CHST8: variants seen among roughly 807,000 people sequenced by gnomAD.
CHST8 encodes GALNAC-4-ST1.
A neutral mutation model predicts 15.0 loss-of-function variants in CHST8; 10 were observed. The observed-to-expected ratio is 0.67, with a 90% CI of 0.41 to 1.13. The LOEUF (loss-of-function observed/expected upper bound fraction) is 1.13, where lower values mean the gene tolerates loss of function less well. Ranked by LOEUF, CHST8 falls within the 50% of genes most tolerant of loss-of-function variation. The probability of loss-of-function intolerance (pLI) is 0.00; values close to 1 mark genes in which losing one functional copy is unlikely to be tolerated. For synonymous variants in CHST8, 259 were observed against 256.6 expected, an observed-to-expected ratio of 1.01 and a Z score of -0.09; for missense variants, 634 against 608.2, an observed-to-expected ratio of 1.04 and a Z score of -0.45.
intron 4 of CHST8, 119 bp downstream of exon 4, chr19:33,771,569 C>G (rs760543482): frequency 2.9e-6 from 3 of 1,029,840 alleles, no homozygotes; most frequent in Non-Finnish European, 4.5e-6. Flanking sequence ...ATGTGTCCAG[C>G]CTTTCCCAGG....
intron 2 of CHST8, among the ~76,000 whole-genome samples, chr19:33,671,673 C>T (rs1200129862): frequency 2.0e-5 from 3 of 151,932 alleles, no homozygotes; most frequent in East Asian, 3.9e-4. Flanking sequence ...ACTCCTCCCA[C>T]ATACTCACCT....
At chr19:33,698,254 A>G (rs184656772) in intron 3 of CHST8, among the ~76,000 whole-genome samples, 4 of 152,218 alleles carry the variant, frequency 2.6e-5, no homozygotes, top group Admixed American at 6.5e-5. Context: ...TTATCCAGTG[A>G]GCTGAGATCG....
At chr19:33,635,131 C>G (rs1004964439) in intron 1 of CHST8, among the ~76,000 whole-genome samples, 1 of 152,194 alleles carries the variant, frequency 6.6e-6, no homozygotes, top group Non-Finnish European at 1.5e-5. Context: ...CTGCACCATG[C>G]GGCCCCCTGA....
Position 33,773,150 on chromosome 19 carries a change from G to A in CHST8, c.*87G>A, listed in dbSNP as rs1334302999. ...CTCCTGTCCCTGGCTCCTCATCCTGGGAGCAACAGGGCTCTGAGGACGTGA... is the reference window on the plus strand; with the variant it reads ...CTCCTGTCCCTGGCTCCTCATCCTGAGAGCAACAGGGCTCTGAGGACGTGA... On this transcript the variant is annotated 3_prime_UTR_variant, in exon 5 of 5. Transcript: ENST00000650847. The A allele has an allele frequency of 2.4e-5, 34 of 1,397,258 alleles. No homozygotes were observed. The highest frequency in any genetic ancestry group is 2.2e-5 in the Non-Finnish European group (23 of 1,049,900). 86.6% of individuals were successfully genotyped at this position (1,397,258 alleles called of 1,614,324 possible).
At chr19:33,662,592 G>A (rs778683917) in intron 1 of CHST8, among the ~76,000 whole-genome samples, 3 of 152,150 alleles carry the variant, frequency 2.0e-5, no homozygotes, top group East Asian at 1.9e-4. Flanking sequence ...GAGTCCCAGC[G>A]TTACGCATTG....
intron 3 of CHST8, among the ~76,000 whole-genome samples, chr19:33,703,559 C>T (rs529500470): frequency 1.5e-4 from 23 of 152,348 alleles, no homozygotes; most frequent in South Asian, 1.4e-3. Context: ...CGGGCCCACA[C>T]ACCCTGGGGC....
intron 1 of CHST8, among the ~76,000 whole-genome samples, chr19:33,644,286 A>T (rs930179214): frequency 1.3e-5 from 2 of 152,194 alleles, no homozygotes. Context: ...CATGTACTCA[A>T]CAAATATTTA....
At chr19:33,643,543 C>T (rs1972311156) in intron 1 of CHST8, among the ~76,000 whole-genome samples, 1 of 152,174 alleles carries the variant, frequency 6.6e-6, no homozygotes, top group Non-Finnish European at 1.5e-5. Context: ...GCGAAATGGC[C>T]AGCCAGTTGT....
At chr19:33,735,147 T>G (rs575667921) in intron 3 of CHST8, among the ~76,000 whole-genome samples, 2 of 152,130 alleles carry the variant, frequency 1.3e-5, no homozygotes, top group African/African-American at 4.8e-5. Context: ...ACAGCCTGGC[T>G]GGGGAGAGAT....
intron 3 of CHST8, among the ~76,000 whole-genome samples, chr19:33,757,394 GAAA>G (rs1974570862): frequency 2.0e-4 from 1 of 4,938 alleles, no homozygotes; most frequent in African/African-American, 5.0e-4. Flanking sequence ...AAAGAAGAAA[GAAA>G]GAAAGAAAGA....
At chr19:33,635,291 C>T (rs1254817464) in intron 1 of CHST8, among the ~76,000 whole-genome samples, 2 of 152,130 alleles carry the variant, frequency 1.3e-5, no homozygotes, top group Non-Finnish European at 2.9e-5. Flanking sequence ...GTGGCTTGCC[C>T]CTCCCTCCTC....
At position 33,755,097 on chromosome 19, in the gene CHST8, C is replaced by A. The variant is rs548141141; in HGVS notation, c.131-16316C>A. 5.3e-5 allele frequency among the ~76,000 whole-genome samples: 8 copies of A among 152,286 alleles called. 1 individual carries two copies. The South Asian group carries it at 1.7e-3, about 32-fold the overall frequency. On this transcript the variant is annotated intron_variant, in intron 3 of 4. Transcript: ENST00000650847. The stretch of plus-strand genomic sequence containing the variant: ...TCAGGATGCCCACCACCCATGCACC[C>A]CCCAGGGGCTCAGGATGGTGCCTTC...
intron 3 of CHST8, among the ~76,000 whole-genome samples, chr19:33,699,590 G>A (rs1014851448): frequency 2.6e-5 from 4 of 152,150 alleles, no homozygotes; most frequent in African/African-American, 7.2e-5. Context: ...TCCGCAGCAC[G>A]TGCTGCTATG....
intron 3 of CHST8, among the ~76,000 whole-genome samples, chr19:33,732,866 G>T (rs1396163474): frequency 6.6e-6 from 1 of 152,146 alleles, no homozygotes; most frequent in Non-Finnish European, 1.5e-5. Context: ...CCTAAGGTAG[G>T]TTCCATGGTA....
chr19:33,737,958 T>C (rs1043722670), intron 3 of CHST8, among the ~76,000 whole-genome samples: 1 of 152,012 alleles, frequency 6.6e-6, no homozygotes, highest in Non-Finnish European at 1.5e-5. Context: ...GTTTTCATTA[T>C]AATAAGACCA....
intron 1 of CHST8, among the ~76,000 whole-genome samples, chr19:33,661,892 C>T (rs1240456771): frequency 5.0e-5 from 7 of 139,760 alleles, no homozygotes; most frequent in Admixed American, 2.9e-4. Flanking sequence ...AAAAAATAGG[C>T]GGGTATGGTG....
At chr19:33,719,794 G>T (rs891180800) in intron 3 of CHST8, among the ~76,000 whole-genome samples, 1 of 151,760 alleles carries the variant, frequency 6.6e-6, no homozygotes, top group Admixed American at 6.6e-5. Flanking sequence ...CATGCACAGT[G>T]AGCCTGGCTT....
chr19:33,686,836 G>A lies in CHST8; in HGVS notation c.-86-2340G>A, dbSNP rs532158576. 5.3e-5 allele frequency among the ~76,000 whole-genome samples: 8 copies of A among 152,322 alleles called. No individual in the cohort carries two copies. The East Asian group carries it at 5.8e-4, about 11-fold the overall frequency. ...GATGGTATGTGTGCAGGCACTGGCC[G>A]GCATGCACCCGGGCATGTATGCATA... is the stretch of plus-strand genomic sequence containing the variant. On this transcript the variant is annotated intron_variant, in intron 2 of 4. Coordinates refer to ENST00000650847, the MANE Select transcript of CHST8 (RefSeq NM_001127895.2).
chr19:33,758,021 T>G (rs1042882746), intron 3 of CHST8, among the ~76,000 whole-genome samples: 11 of 151,706 alleles, frequency 7.3e-5, no homozygotes, highest in African/African-American at 2.7e-4. Flanking sequence ...ATCCAGACCC[T>G]CGGCAGGGAA....
Sources: allele counts gnomAD v4.1 joint callset (sites outside exome capture counted in the v4.1 genomes callset), GRCh38; gene constraint gnomAD v4.1.1; transcripts MANE v1.5; gene names NCBI Gene and HGNC (gene_info 2026-07-23, HGNC 2026-07-21).